ROBO1: variants seen among roughly 807,000 people sequenced by gnomAD.
The protein encoded by ROBO1 is roundabout homolog 1.
Under a neutral mutation model 195.9 loss-of-function variants are expected in ROBO1, and 149 were observed. The ratio of observed to expected loss-of-function variants is 0.76; its 90% CI spans 0.67 to 0.87. The LOEUF (loss-of-function observed/expected upper bound fraction) is 0.87. Among genes scored for constraint, ROBO1 ranks in the 40% least tolerant of loss-of-function variants. ROBO1 has a pLI of 0.00. For missense variants in ROBO1, 1,933 were observed against 2,068.3 expected (o/e 0.93, Z 1.27); for synonymous variants, 816 against 733.2 (o/e 1.11, Z -1.82).
In ROBO1 at chr3:78,953,076, T is replaced by C. The variant is rs539511669; in HGVS notation, c.173-14149A>G. 4.6e-5 allele frequency among the ~76,000 whole-genome samples: 7 copies of C among 152,120 alleles called. No homozygotes were observed. In the South Asian group the frequency reaches 1.2e-3, roughly 27 times the overall value. ...TGAAAAAGATTGGCAGTAGCATAAGTTACATTTTAGAAAGAATTTTGCCTC... is the reference window on the plus strand; with the variant it reads ...TGAAAAAGATTGGCAGTAGCATAAGCTACATTTTAGAAAGAATTTTGCCTC... On this transcript the variant is annotated intron_variant, in intron 3 of 30. Transcript: ENST00000464233.
At chr3:78,754,863 G>C (rs1253149781) in intron 4 of ROBO1, among the ~76,000 whole-genome samples, 1 of 152,166 alleles carries the variant, frequency 6.6e-6, no homozygotes, top group Non-Finnish European at 1.5e-5. Flanking sequence ...TGAAGCCTGA[G>C]TAATGAGTAA....
At chr3:79,152,594 C>T (rs909127056) in intron 2 of ROBO1, among the ~76,000 whole-genome samples, 1 of 151,846 alleles carries the variant, frequency 6.6e-6, no homozygotes, top group Non-Finnish European at 1.5e-5. Flanking sequence ...TCATTATACG[C>T]AATGACTATT....
intron 1 of ROBO1, among the ~76,000 whole-genome samples, chr3:79,677,522 A>G (rs1188051184): frequency 6.6e-6 from 1 of 152,108 alleles, no homozygotes; most frequent in Non-Finnish European, 1.5e-5. Flanking sequence ...CTTATTCACT[A>G]TCATGAGAAC....
intron 1 of ROBO1, among the ~76,000 whole-genome samples, chr3:79,668,891 T>A (rs137893320): frequency 4.7e-4 from 72 of 151,954 alleles, no homozygotes; most frequent in Middle Eastern, 6.8e-3. Flanking sequence ...TAGACGGAGA[T>A]CATGAACAGA....
chr3:79,743,514 A>G (rs1703738334), intron 1 of ROBO1, among the ~76,000 whole-genome samples: 2 of 152,152 alleles, frequency 1.3e-5, no homozygotes, highest in Admixed American at 6.5e-5. Context: ...CTTTATGAAC[A>G]CTGTACACTT....
intron 3 of ROBO1, among the ~76,000 whole-genome samples, chr3:79,050,213 A>G (rs1246699945): frequency 2.6e-5 from 4 of 152,154 alleles, no homozygotes. Flanking sequence ...TACCTAGCAA[A>G]TGGGAAGCAA....
chr3:78,818,204 C>T (rs2030360899), intron 4 of ROBO1, among the ~76,000 whole-genome samples: 2 of 152,128 alleles, frequency 1.3e-5, no homozygotes, highest in South Asian at 4.1e-4. Context: ...TGTGGGGAGA[C>T]GGTGGATCCA....
At chr3:78,672,330 G>A (rs1404752370) in intron 10 of ROBO1, among the ~76,000 whole-genome samples, 2 of 152,070 alleles carry the variant, frequency 1.3e-5, no homozygotes, top group East Asian at 1.9e-4. Flanking sequence ...CTGTAATCCT[G>A]CACTTTGGGT....
chr3:79,604,037 A>G (rs1944413465), intron 1 of ROBO1, among the ~76,000 whole-genome samples: 1 of 152,064 alleles, frequency 6.6e-6, no homozygotes, highest in South Asian at 2.1e-4. Context: ...TGTTCTTTTA[A>G]TAAACAATTT....
chr3:79,184,199 C>G (rs1228008349), intron 2 of ROBO1, among the ~76,000 whole-genome samples: 1 of 152,144 alleles, frequency 6.6e-6, no homozygotes, highest in Non-Finnish European at 1.5e-5. Flanking sequence ...AATGAGAAAG[C>G]TTAGGCTGCA....
At chr3:78,734,670 C>G (rs940041050) in intron 5 of ROBO1, among the ~76,000 whole-genome samples, 3 of 149,362 alleles carry the variant, frequency 2.0e-5, no homozygotes, top group Non-Finnish European at 4.4e-5. Flanking sequence ...TACTAACAAA[C>G]AGTTTGCAAC....
chr3:79,348,207 T>C (rs1486699379), intron 2 of ROBO1, among the ~76,000 whole-genome samples: 1 of 118,622 alleles, frequency 8.4e-6, no homozygotes, highest in Admixed American at 9.8e-5. Context: ...AGAGACTCCA[T>C]CTCAAAAAAA....
chr3:78,755,936 T>A (rs1392932108), intron 4 of ROBO1, among the ~76,000 whole-genome samples: 1 of 152,178 alleles, frequency 6.6e-6, no homozygotes, highest in Non-Finnish European at 1.5e-5. Flanking sequence ...ATATTTCAAA[T>A]CTTATTTGCT....
chr3:78,839,102 T>C (rs1468947079), intron 4 of ROBO1, among the ~76,000 whole-genome samples: 4 of 152,190 alleles, frequency 2.6e-5, no homozygotes, highest in Non-Finnish European at 5.9e-5. Flanking sequence ...CCAAGGCATA[T>C]TGATCTGAGA....
At chr3:79,428,271 A>G (rs1182832430) in intron 2 of ROBO1, among the ~76,000 whole-genome samples, 1 of 152,120 alleles carries the variant, frequency 6.6e-6, no homozygotes, top group Non-Finnish European at 1.5e-5. Context: ...CACACCTACT[A>G]TGTACCCACA....
chr3:78,638,307 A>C (rs956791491), intron 22 of ROBO1, among the ~76,000 whole-genome samples: 1 of 149,208 alleles, frequency 6.7e-6, no homozygotes, highest in Admixed American at 6.7e-5. Context: ...ATACATACAT[A>C]TATGTGTGTA....
At position 78,955,743 on chromosome 3, in the gene ROBO1, T is replaced by A. The variant is rs574281148; in HGVS notation, c.173-16816A>T. Reference sequence around the variant, plus strand: ...AATGTCTGCAAGATAGCATATGGGATTGCAATTTTAAGGATAACTGTCTAA... The same window carrying A: ...AATGTCTGCAAGATAGCATATGGGAATGCAATTTTAAGGATAACTGTCTAA... On this transcript the variant is annotated intron_variant, in intron 3 of 30. Transcript: ENST00000464233. 2.0e-5 allele frequency among the ~76,000 whole-genome samples: 3 copies of A among 152,282 alleles called. No individual in the cohort carries two copies. The South Asian group carries it at 6.2e-4, about 32-fold the overall frequency.
intron 2 of ROBO1, among the ~76,000 whole-genome samples, chr3:79,162,328 G>A (rs1488205845): frequency 6.6e-6 from 1 of 151,978 alleles, no homozygotes; most frequent in African/African-American, 2.4e-5. Flanking sequence ...GAGGAAAGAA[G>A]GGATAGAAAC....
intron 4 of ROBO1, among the ~76,000 whole-genome samples, chr3:78,877,636 A>C (rs909276395): frequency 5.9e-5 from 9 of 152,202 alleles, no homozygotes; most frequent in Admixed American, 1.3e-4. Flanking sequence ...CACACTTCTA[A>C]CTAGATTTTT....
Sources: gnomAD v4.1 joint callset for allele counts (sites outside exome capture counted in the v4.1 genomes callset) on GRCh38, gnomAD v4.1.1 for gene constraint, MANE v1.5 for transcripts, NCBI Gene and HGNC (gene_info 2026-07-23, HGNC 2026-07-21) for gene names.